Variants in RAB28 observed in about 807,000 individuals in gnomAD.
The protein encoded by RAB28 is ras-related protein Rab-28.
A neutral mutation model predicts 31.7 loss-of-function variants in RAB28; 24 were observed. The observed-to-expected ratio is 0.76, with a 90% CI of 0.55 to 1.06. The LOEUF (loss-of-function observed/expected upper bound fraction) is 1.06. Among genes scored for constraint, RAB28 ranks in the 50% least tolerant of loss-of-function variants. RAB28 has a pLI of 0.00. For synonymous variants in RAB28, 100 were observed against 90.4 expected (o/e 1.11, Z -0.60); for missense variants, 254 against 258.5 (o/e 0.98, Z 0.12).
rs1716752738 is a variant in RAB28 at position 13,484,105 on chromosome 4, C to G, written c.46G>C (p.Val16Leu). 6.2e-7 allele frequency: 1 copy of G among 1,602,314 alleles called. No homozygotes were observed. Among genetic ancestry groups the G allele is most frequent in the Non-Finnish European group, 8.5e-7 (1 of 1,174,918 alleles). ...CCGGAGGCGCCGTCCCCCAGCACGA[C>G]GATTTTCAGTTGCCGGTCCTGGCTC... Reference protein sequence around the residue: ...EESQDRQLKIVVLGDGASGKT... With the variant: ...EESQDRQLKILVLGDGASGKT... Residue 16 changes from valine to leucine, a missense_variant, in exon 1 of 7, where the codon GTC becomes CTC. Val to Leu is a conservative substitution (Grantham distance 32). Transcript: ENST00000330852.
intron 4 of RAB28, among the ~76,000 whole-genome samples, chr4:13,402,171 G>A (rs2108901300): frequency 6.6e-6 from 1 of 152,264 alleles, no homozygotes; most frequent in East Asian, 1.9e-4. Flanking sequence ...GGTCTATCTT[G>A]ATAAATACTT....
At position 13,460,964 on chromosome 4, in the gene RAB28, C is replaced by T. The variant is rs1715561489; in HGVS notation, c.262-136G>A. Reference sequence around the variant, plus strand: ...GTGTAGTGTTTTATATATAAACTTCCATTTAAATTGCTTACTAGCAGATTG... The same window carrying T: ...GTGTAGTGTTTTATATATAAACTTCTATTTAAATTGCTTACTAGCAGATTG... On this transcript the variant is annotated intron_variant, in intron 3 of 6. Transcript: ENST00000330852. 3.5e-5 allele frequency: 28 copies of T among 793,628 alleles called. 1 individual carries two copies. In the South Asian group the frequency reaches 5.0e-4, roughly 14 times the overall value. The allele number at this position is 793,628 out of a possible 1,614,324, so 49.2% of individuals were successfully genotyped here. A position where few individuals can be genotyped will look rare whatever the true frequency, so the allele number is the denominator to read the frequency against.
intron 4 of RAB28, among the ~76,000 whole-genome samples, chr4:13,385,590 C>T (rs1446717610): frequency 6.6e-6 from 1 of 152,104 alleles, no homozygotes; most frequent in Non-Finnish European, 1.5e-5. Context: ...TCTGGCCAAA[C>T]TAAGCAAAAA....
chr4:13,367,943 A>C lies in RAB28; in HGVS notation c.*615T>G. The C allele has an allele frequency of 1.0e-6, 1 of 977,398 alleles. No homozygotes were observed. The highest frequency in any genetic ancestry group is 1.7e-5 in the African/African-American group (1 of 57,176). 60.5% of individuals were successfully genotyped at this position (977,398 alleles called of 1,614,324 possible). On this transcript the variant is annotated 3_prime_UTR_variant, in exon 7 of 7. Coordinates refer to ENST00000330852, the MANE Select transcript of RAB28 (RefSeq NM_001017979.3). ...GATACAGTAATAAAAATACAATATC[A>C]AATATTACTTTGTGAGTTACAAACT... is the stretch of plus-strand genomic sequence containing the variant.
intron 6 of RAB28, chr4:13,371,065 T>A (rs1018661870): frequency 4.1e-6 from 4 of 983,764 alleles, no homozygotes; most frequent in Non-Finnish European, 4.8e-6. Flanking sequence ...TAGAAAAGCA[T>A]CTTAATATGA....
intron 4 of RAB28, among the ~76,000 whole-genome samples, chr4:13,410,598 C>T (rs1233773582): frequency 2.0e-5 from 3 of 152,104 alleles, no homozygotes; most frequent in Non-Finnish European, 4.4e-5. Context: ...GCCTTATCAG[C>T]TCCTATCAGA....
At chr4:13,387,336 T>G (rs140452230) in intron 4 of RAB28, among the ~76,000 whole-genome samples, 4 of 152,212 alleles carry the variant, frequency 2.6e-5, no homozygotes, top group East Asian at 3.9e-4. Context: ...TCATCTCACA[T>G]GTAATCAAAT....
intron 2 of RAB28, among the ~76,000 whole-genome samples, chr4:13,477,937 T>C (rs1279717704): frequency 6.6e-6 from 1 of 151,594 alleles, no homozygotes; most frequent in African/African-American, 2.4e-5. Flanking sequence ...GAGTAGGTAC[T>C]TGTTTATTTA....
Position 13,378,726 on chromosome 4 carries a change from A to G in RAB28, c.496-2104T>C, listed in dbSNP as rs558844571. Among the ~76,000 whole-genome samples, 36 of 152,338 alleles carry G rather than the reference A, an allele frequency of 2.4e-4. No homozygotes were observed. The South Asian group carries it at 3.1e-3, about 13-fold the overall frequency. ...GTTGGCCCTAGCTAGAATAGATCCC[A>G]TAGTAACCACAGAGAAGACAGAAGA... On this transcript the variant is annotated intron_variant, in intron 5 of 6. Transcript: ENST00000330852.
intron 3 of RAB28, among the ~76,000 whole-genome samples, chr4:13,469,895 T>G (rs1303112278): frequency 6.6e-6 from 1 of 151,998 alleles, no homozygotes; most frequent in Non-Finnish European, 1.5e-5. Context: ...CTCACTATGT[T>G]GCTGAGGCTG....
intron 4 of RAB28, among the ~76,000 whole-genome samples, chr4:13,433,741 CAGTTT>C (rs1713945996): frequency 6.6e-6 from 1 of 152,052 alleles, no homozygotes. Flanking sequence ...CTATGAAAAG[CAGTTT>C]AGAGAATTTT....
chr4:13,383,254 C>A (rs185126237), intron 4 of RAB28, among the ~76,000 whole-genome samples: 86 of 152,082 alleles, frequency 5.7e-4, no homozygotes, highest in South Asian at 2.5e-3. Flanking sequence ...CCATTGAAAT[C>A]GCCACCCATT....
At chr4:13,374,024 T>A (rs916804241) in intron 6 of RAB28, among the ~76,000 whole-genome samples, 1 of 152,042 alleles carries the variant, frequency 6.6e-6, no homozygotes, top group Non-Finnish European at 1.5e-5. Flanking sequence ...GTCTTTTAGA[T>A]GAACTTGCCA....
At chr4:13,415,954 T>C (rs1197871958) in intron 4 of RAB28, among the ~76,000 whole-genome samples, 3 of 152,164 alleles carry the variant, frequency 2.0e-5, no homozygotes, top group Admixed American at 6.5e-5. Context: ...AATCAGCACC[T>C]TGTGTCTGGC....
intron 4 of RAB28, among the ~76,000 whole-genome samples, chr4:13,417,300 C>T (rs189841088): frequency 2.6e-5 from 4 of 152,338 alleles, no homozygotes; most frequent in Admixed American, 2.6e-4. Flanking sequence ...TAAACCCCAC[C>T]TCTGGGAACA....
rs139817269 is a variant in RAB28, at chr4:13,435,252, C to T, written c.391+25447G>A. The stretch of plus-strand genomic sequence containing the variant: ...TAGTGCAAAGAGTATAGCTATGGTA[C>T]TAAATGCCTACATCAAGAAGACAGA... On this transcript the variant is annotated intron_variant, in intron 4 of 6. Transcript: ENST00000330852. 4.6e-3 allele frequency among the ~76,000 whole-genome samples: 695 copies of T among 151,766 alleles called. 6 individuals are homozygous for T. Among genetic ancestry groups the T allele is most frequent in the African/African-American group, 0.016 (662 of 41,440 alleles).
intron 4 of RAB28, among the ~76,000 whole-genome samples, chr4:13,406,088 G>C (rs1255327655): frequency 6.6e-6 from 1 of 151,976 alleles, no homozygotes; most frequent in South Asian, 2.1e-4. Flanking sequence ...TGCCATGGTG[G>C]TTTGCTGCAC....
intron 4 of RAB28, among the ~76,000 whole-genome samples, chr4:13,439,627 A>G (rs752269072): frequency 5.9e-5 from 9 of 152,204 alleles, no homozygotes; most frequent in Admixed American, 1.3e-4. Flanking sequence ...GATTACCGGC[A>G]TAAGCACTTG....
intron 4 of RAB28, among the ~76,000 whole-genome samples, chr4:13,427,306 C>T (rs1713557984): frequency 6.6e-6 from 1 of 152,186 alleles, no homozygotes; most frequent in Non-Finnish European, 1.5e-5. Flanking sequence ...ACAAGATTTT[C>T]CTCTTGCTAT....
Sources: gnomAD v4.1 joint callset for allele counts (sites outside exome capture counted in the v4.1 genomes callset) on GRCh38, gnomAD v4.1.1 for gene constraint, MANE v1.5 for transcripts, NCBI Gene and HGNC (gene_info 2026-07-23, HGNC 2026-07-21) for gene names.